The following ERC2 variants were observed in gnomAD, a reference collection of about 807,000 sequenced individuals.
ERC2 encodes the protein ERC protein 2.
ERC2 carries 42 observed loss-of-function variants against 114.8 expected under a neutral mutation model. That is an observed-to-expected ratio of 0.37 (90% CI 0.29 to 0.47). The LOEUF (loss-of-function observed/expected upper bound fraction) is 0.47, where lower values mean the gene tolerates loss of function less well. ERC2 is among the 20% of genes least tolerant of loss of function. ERC2 has a pLI of 0.99. For synonymous variants in ERC2, 454 were observed against 425.5 expected, an observed-to-expected ratio of 1.07 and a Z score of -0.82; for missense variants, 939 against 1,150.7, an observed-to-expected ratio of 0.82 and a Z score of 2.66.
chr3:56,059,790 G>T (rs530936700), intron 7 of ERC2, among the ~76,000 whole-genome samples: 1 of 152,276 alleles, frequency 6.6e-6, no homozygotes, highest in South Asian at 2.1e-4. Flanking sequence ...GTCTTTTATT[G>T]TCTTTTAGCT....
intron 14 of ERC2, among the ~76,000 whole-genome samples, chr3:55,805,343 T>C (rs2059447491): frequency 6.6e-6 from 1 of 151,990 alleles, no homozygotes; most frequent in Non-Finnish European, 1.5e-5. Flanking sequence ...GCTCTATCTC[T>C]AATAGTGCCT....
chr3:56,278,788 A>G (rs936694966), intron 3 of ERC2, among the ~76,000 whole-genome samples: 4 of 152,126 alleles, frequency 2.6e-5, no homozygotes, highest in African/African-American at 9.7e-5. Context: ...AGGAGGTGAG[A>G]GAAAGGAGGA....
In ERC2 at chr3:56,018,938, T is replaced by C; in HGVS notation, c.1735A>G (p.Thr579Ala). The C allele has an allele frequency of 2.5e-6, 4 of 1,613,384 alleles. No individual in the cohort carries two copies. The highest frequency in any genetic ancestry group is 3.4e-6 in the Non-Finnish European group (4 of 1,179,544). ...VKSLQTDSSN[T>A]DTALATLEEA... Reference sequence around the variant, plus strand: ...TCTAGCGTCGCCAGTGCAGTATCTGTATTACTGGAATCCGTCTGCAAGGAC... The same window carrying C: ...TCTAGCGTCGCCAGTGCAGTATCTGCATTACTGGAATCCGTCTGCAAGGAC... The change falls in exon 8 of 18, where the codon ACA becomes GCA. Residue 579 changes from threonine to alanine, a missense_variant. By Grantham distance (58) the Thr-to-Ala change is moderately conservative. Coordinates refer to ENST00000288221, the MANE Select transcript of ERC2 (RefSeq NM_015576.3).
intron 13 of ERC2, among the ~76,000 whole-genome samples, chr3:55,943,875 A>G (rs912193713): frequency 1.3e-5 from 2 of 152,170 alleles, no homozygotes; most frequent in African/African-American, 4.8e-5. Flanking sequence ...GACAGACTCT[A>G]CAAGCCCAGC....
chr3:55,793,627 A>G (rs2070237072), intron 14 of ERC2, among the ~76,000 whole-genome samples: 1 of 152,232 alleles, frequency 6.6e-6, no homozygotes, highest in Admixed American at 6.5e-5. Context: ...TGCATTGTTA[A>G]TAAGAAAATT....
chr3:56,388,906 T>G (rs1463068169), intron 2 of ERC2, among the ~76,000 whole-genome samples: 1 of 152,146 alleles, frequency 6.6e-6, no homozygotes, highest in Non-Finnish European at 1.5e-5. Context: ...AGCAGGAATG[T>G]ATCAACCTTT....
At chr3:55,833,885 C>T (rs1392967016) in intron 14 of ERC2, among the ~76,000 whole-genome samples, 6 of 151,806 alleles carry the variant, frequency 4.0e-5, no homozygotes, top group African/African-American at 1.2e-4. Context: ...CAGAGACACA[C>T]ATAGGCTCAA....
At chr3:55,663,986 C>A (rs2061250222) in intron 17 of ERC2, among the ~76,000 whole-genome samples, 1 of 152,194 alleles carries the variant, frequency 6.6e-6, no homozygotes, top group African/African-American at 2.4e-5. Flanking sequence ...GATGCTCAGC[C>A]ACTAACTCAG....
chr3:56,112,486 C>T (rs2079017475), intron 6 of ERC2, among the ~76,000 whole-genome samples: 1 of 151,872 alleles, frequency 6.6e-6, no homozygotes, highest in Non-Finnish European at 1.5e-5. Flanking sequence ...CACACATAGG[C>T]ACACACTTAT....
Position 56,025,049 on chromosome 3 carries a change from G to A in ERC2, c.1642-6018C>T, listed in dbSNP as rs554193506. Among the ~76,000 whole-genome samples the A allele has an allele frequency of 3.3e-5, 5 of 152,288 alleles. No individual in the cohort carries two copies. In the East Asian group the frequency reaches 9.7e-4, roughly 29 times the overall value. ...GAACTGCACACTGATCAAGTGCACA[G>A]TAAGACCACATATTGTTCCATGACA... On this transcript the variant is annotated intron_variant, in intron 7 of 17. Coordinates refer to ENST00000288221, the MANE Select transcript of ERC2 (RefSeq NM_015576.3).
chr3:55,669,642 T>C (rs1310288553), intron 17 of ERC2, among the ~76,000 whole-genome samples: 1 of 152,258 alleles, frequency 6.6e-6, no homozygotes, highest in East Asian at 1.9e-4. Flanking sequence ...GGCTATTAAC[T>C]GGGCTAGTTT....
At chr3:56,024,974 C>A (rs2073953213) in intron 7 of ERC2, among the ~76,000 whole-genome samples, 1 of 152,188 alleles carries the variant, frequency 6.6e-6, no homozygotes, top group Admixed American at 6.5e-5. Context: ...TCATCATGAG[C>A]AATGTATGGA....
Position 56,435,125 on chromosome 3 carries a change from AGAAAATAACT to A in ERC2, c.-128_-119del. The A allele has an allele frequency of 1.4e-6, 1 of 713,810 alleles. No individual in the cohort carries two copies. The highest frequency in any genetic ancestry group is 2.0e-5 in the South Asian group (1 of 50,908). 44.2% of individuals were successfully genotyped at this position (713,810 alleles called of 1,614,324 possible). A position where few individuals can be genotyped will look rare whatever the true frequency, so the allele number is the denominator to read the frequency against. Reference sequence around the variant, plus strand: ...CCGCATTCTTTTCACAGTCCGTACCAGAAAATAACTCCACTCAGAGATCTACAAAGTGAAA... The same window carrying A: ...CCGCATTCTTTTCACAGTCCGTACCACCACTCAGAGATCTACAAAGTGAAA... On this transcript the variant is annotated 5_prime_UTR_variant, in exon 2 of 18. An upstream open reading frame in the 5' UTR gains an earlier in-frame stop. Transcript: ENST00000288221.
chr3:55,842,609 G>T (rs112031481), intron 14 of ERC2, among the ~76,000 whole-genome samples: 1 of 151,984 alleles, frequency 6.6e-6, no homozygotes, highest in Non-Finnish European at 1.5e-5. Context: ...CTAGGAATTG[G>T]GGTGGAAATT....
intron 3 of ERC2, among the ~76,000 whole-genome samples, chr3:56,204,931 T>C (rs1349662529): frequency 2.2e-5 from 1 of 45,834 alleles, no homozygotes; most frequent in Non-Finnish European, 5.3e-5. Context: ...TCTGTGTGTG[T>C]GTGTGTGTGT....
rs779188054 is a variant in ERC2, at chr3:55,950,494, T to C, written c.2334A>G (p.Lys778=). 6.2e-7 allele frequency: 1 copy of C among 1,614,052 alleles called. No homozygotes were observed. Among genetic ancestry groups the C allele is most frequent in the Non-Finnish European group, 8.5e-7 (1 of 1,179,888 alleles). The change falls in exon 13 of 18, where the codon AAA becomes AAG. Residue 778 remains lysine (K), a synonymous_variant. Coordinates refer to ENST00000288221, the MANE Select transcript of ERC2 (RefSeq NM_015576.3). ...GCACTTCTTCTAGTAACTGAGCATT[T>C]TTCTTCTTTTCCAACTGTTGATTGT... The part of the protein sequence containing the change: ...LKHNQQLEKK[K]NAQLLEEVRR...
At chr3:56,445,691 C>G (rs1472890883) in intron 1 of ERC2, among the ~76,000 whole-genome samples, 1 of 152,178 alleles carries the variant, frequency 6.6e-6, no homozygotes, top group Non-Finnish European at 1.5e-5. Context: ...GCCACTCTCT[C>G]CTTCAAAGAC....
chr3:56,360,232 G>A (rs1375961460), intron 2 of ERC2, among the ~76,000 whole-genome samples: 2 of 151,788 alleles, frequency 1.3e-5, no homozygotes, highest in Non-Finnish European at 2.9e-5. Flanking sequence ...TGCATTTTTA[G>A]TAGAGATGGG....
intron 13 of ERC2, among the ~76,000 whole-genome samples, chr3:55,897,168 T>C (rs193023559): frequency 2.6e-5 from 4 of 152,370 alleles, no homozygotes; most frequent in African/African-American, 9.6e-5. Context: ...TACATTTGTG[T>C]TGTTTAACTA....
Sources: allele counts gnomAD v4.1 joint callset (sites outside exome capture counted in the v4.1 genomes callset), GRCh38; gene constraint gnomAD v4.1.1; transcripts MANE v1.5; gene names NCBI Gene and HGNC (gene_info 2026-07-23, HGNC 2026-07-21).